TAMM41: variants seen among roughly 807,000 people sequenced by gnomAD.
TAMM41 encodes phosphatidate cytidylyltransferase, mitochondrial.
A neutral mutation model predicts 44.1 loss-of-function variants in TAMM41; 36 were observed. The ratio of observed to expected loss-of-function variants is 0.82; its 90% CI spans 0.63 to 1.08. The LOEUF (loss-of-function observed/expected upper bound fraction) is 1.08, where lower values mean the gene tolerates loss of function less well. Ranked by LOEUF, TAMM41 falls within the 50% of genes least tolerant of loss-of-function variation. The pLI is 0.00. For synonymous variants in TAMM41, 164 were observed against 153.1 expected (o/e 1.07, Z -0.53); for missense variants, 417 against 404.3 (o/e 1.03, Z -0.27).
chr3:11,835,100 A>G (rs767583403), intron 3 of TAMM41, among the ~76,000 whole-genome samples: 10 of 152,232 alleles, frequency 6.6e-5, no homozygotes, highest in East Asian at 1.9e-4. Context: ...GATTCCTTTT[A>G]AAACACAAAG....
At chr3:11,742,589 CT>C in the TAMM41 span, among the ~76,000 whole-genome samples, 399 of 135,624 alleles carry the variant, frequency 2.9e-3, 6 homozygotes, top group African/African-American at 2.8e-3. Context: ...CCATCGCTTG[CT>C]TTTTTTTTTT....
chr3:11,842,518 A>G (rs1484472908), intron 2 of TAMM41, among the ~76,000 whole-genome samples: 1 of 151,784 alleles, frequency 6.6e-6, no homozygotes, highest in Non-Finnish European at 1.5e-5. Context: ...ACATGGCAAA[A>G]CCCTGTCTCT....
At chr3:11,761,707 G>T in the TAMM41 span, among the ~76,000 whole-genome samples, 1 of 152,068 alleles carries the variant, frequency 6.6e-6, no homozygotes, top group Non-Finnish European at 1.5e-5. Flanking sequence ...AGCACTTTGG[G>T]AGGCCGAGGC....
At chr3:11,746,392 T>A in the TAMM41 span, among the ~76,000 whole-genome samples, 1 of 152,134 alleles carries the variant, frequency 6.6e-6, no homozygotes, top group African/African-American at 2.4e-5. Context: ...AATGTAATGT[T>A]ACTAGAAGAC....
At chr3:11,756,682 A>G in the TAMM41 span, among the ~76,000 whole-genome samples, 1 of 151,984 alleles carries the variant, frequency 6.6e-6, no homozygotes, top group South Asian at 2.1e-4. Context: ...CCTGACCAAC[A>G]TGGAGAAACC....
the TAMM41 span, among the ~76,000 whole-genome samples, chr3:11,759,596 C>G: frequency 1.3e-5 from 2 of 151,882 alleles, no homozygotes; most frequent in African/African-American, 4.8e-5. Flanking sequence ...AAATACATAC[C>G]AATTCCTCCC....
At chr3:11,807,608 G>A in intron 7 of TAMM41, 1 of 1,536,058 alleles carries the variant, frequency 6.5e-7, no homozygotes, top group South Asian at 1.2e-5. Context: ...AATTCAGAAG[G>A]GCAGTAAAGC....
the TAMM41 span, among the ~76,000 whole-genome samples, chr3:11,768,801 A>G: frequency 6.6e-6 from 1 of 152,194 alleles, no homozygotes; most frequent in East Asian, 1.9e-4. Flanking sequence ...GAAACACATA[A>G]ATATGTCATT....
the TAMM41 span, among the ~76,000 whole-genome samples, chr3:11,771,985 A>G: frequency 6.6e-6 from 1 of 152,118 alleles, no homozygotes; most frequent in African/African-American, 2.4e-5. Context: ...TCATCACCCA[A>G]ATAGTGAACA....
At chr3:11,751,005 C>G in the TAMM41 span, among the ~76,000 whole-genome samples, 56 of 151,868 alleles carry the variant, frequency 3.7e-4, 1 homozygote, top group African/African-American at 1.3e-3. Flanking sequence ...AGCACAATGT[C>G]AACCACAGGT....
intron 4 of TAMM41, among the ~76,000 whole-genome samples, chr3:11,826,557 G>A (rs550213352): frequency 1.4e-5 from 2 of 139,068 alleles, no homozygotes; most frequent in African/African-American, 2.7e-5. Flanking sequence ...AAAAAAAGAT[G>A]TTGGAAGCTA....
At chr3:11,737,613 C>T in the TAMM41 span, among the ~76,000 whole-genome samples, 1 of 152,128 alleles carries the variant, frequency 6.6e-6, no homozygotes. Flanking sequence ...AGCCACCATG[C>T]CCAGCCAGCT....
rs942755720 is a variant in TAMM41, at chr3:11,829,721, G to C, written c.555C>G (p.Ser185=). The C allele has an allele frequency of 6.2e-7, 1 of 1,614,082 alleles. No homozygotes were observed. The highest frequency in any genetic ancestry group is 1.7e-5 in the Admixed American group (1 of 60,010). Residue 185 remains serine (S), a synonymous_variant, in exon 4 of 8, where the codon TCC becomes TCG. Transcript: ENST00000455809. ...GGCAGCAACCATACTAACCTGAATA[G>C]GAGAGACCGGCAATCTCTATGAAGA... ...EDLFIEIAGL[S]YSGDFRMVVG... is the part of the protein sequence containing the mutation.
chr3:11,729,254 T>G, the TAMM41 span, among the ~76,000 whole-genome samples: 1 of 152,136 alleles, frequency 6.6e-6, no homozygotes, highest in Non-Finnish European at 1.5e-5. Context: ...AATATATTCT[T>G]GCTGTCTTTC....
chr3:11,779,482 G>T, the TAMM41 span, among the ~76,000 whole-genome samples: 1 of 152,048 alleles, frequency 6.6e-6, no homozygotes, highest in Admixed American at 6.6e-5. Context: ...CAACACCGAG[G>T]ATCCAAGTTC....
intron 7 of TAMM41, among the ~76,000 whole-genome samples, chr3:11,800,943 G>A (rs1035066832): frequency 6.6e-6 from 1 of 151,906 alleles, no homozygotes; most frequent in African/African-American, 2.4e-5. Flanking sequence ...AAAAATAAAT[G>A]TAGCCAGGCA....
the TAMM41 span, among the ~76,000 whole-genome samples, chr3:11,740,651 T>C: frequency 6.6e-6 from 1 of 151,968 alleles, no homozygotes; most frequent in Non-Finnish European, 1.5e-5. Context: ...GGTGTGATCT[T>C]GGCTCACCAC....
chr3:11,826,462 G>A (rs778160978), intron 4 of TAMM41, among the ~76,000 whole-genome samples: 20 of 147,518 alleles, frequency 1.4e-4, no homozygotes, highest in Non-Finnish European at 1.3e-4. Flanking sequence ...CCGGGAGGTC[G>A]AGGCTGCAGT....
At chr3:11,782,772 T>C in the TAMM41 span, among the ~76,000 whole-genome samples, 2 of 152,134 alleles carry the variant, frequency 1.3e-5, no homozygotes, top group Non-Finnish European at 2.9e-5. Context: ...CCCCACACGG[T>C]TGGAGTTTGG....
Sources: allele counts gnomAD v4.1 joint callset (sites outside exome capture counted in the v4.1 genomes callset), GRCh38; gene constraint gnomAD v4.1.1; transcripts MANE v1.5; gene names NCBI Gene and HGNC (gene_info 2026-07-23, HGNC 2026-07-21).